CCDC85A: variants seen among roughly 807,000 people sequenced by gnomAD.
CCDC85A encodes coiled-coil domain-containing protein 85A.
In CCDC85A, 38 loss-of-function variants were observed where a neutral mutation model predicts 50.2. That is an observed-to-expected ratio of 0.76 (90% confidence interval 0.58 to 0.99). CCDC85A has a LOEUF of 0.99. CCDC85A is among the 50% of genes least tolerant of loss of function. CCDC85A has a pLI of 0.00. For synonymous variants in CCDC85A, 366 were observed against 301.4 expected, an observed-to-expected ratio of 1.21 and a Z score of -2.22; for missense variants, 820 against 742.0, an observed-to-expected ratio of 1.11 and a Z score of -1.22.
intron 2 of CCDC85A, among the ~76,000 whole-genome samples, chr2:56,280,938 A>G (rs936837775): frequency 6.6e-6 from 1 of 152,168 alleles, no homozygotes; most frequent in Non-Finnish European, 1.5e-5. Context: ...CTAGATTCTT[A>G]CTTTTTTTAG....
intron 3 of CCDC85A, among the ~76,000 whole-genome samples, chr2:56,357,850 C>A (rs1675315626): frequency 1.3e-5 from 2 of 152,090 alleles, no homozygotes; most frequent in African/African-American, 4.8e-5. Flanking sequence ...AGTGTGTCAT[C>A]AGTTCCAACC....
At chr2:56,365,094 G>A (rs1361161539) in intron 3 of CCDC85A, among the ~76,000 whole-genome samples, 4 of 152,098 alleles carry the variant, frequency 2.6e-5, no homozygotes, top group Non-Finnish European at 4.4e-5. Flanking sequence ...CTCATATCCT[G>A]TGCTCACATC....
intron 3 of CCDC85A, among the ~76,000 whole-genome samples, chr2:56,343,464 T>C (rs1233052045): frequency 6.6e-6 from 1 of 152,228 alleles, no homozygotes; most frequent in African/African-American, 2.4e-5. Flanking sequence ...AGTTTTTGCT[T>C]TGGGACTTCA....
intron 2 of CCDC85A, among the ~76,000 whole-genome samples, chr2:56,267,829 T>C (rs542417534): frequency 2.0e-5 from 3 of 152,320 alleles, no homozygotes; most frequent in Non-Finnish European, 4.4e-5. Flanking sequence ...TTTAGATACA[T>C]CTGAAATTTC....
intron 2 of CCDC85A, among the ~76,000 whole-genome samples, chr2:56,332,331 A>G (rs1673846957): frequency 1.3e-5 from 2 of 152,138 alleles, no homozygotes; most frequent in African/African-American, 2.4e-5. Context: ...TTTATAAACA[A>G]CAGAAATTTA....
intron 2 of CCDC85A, among the ~76,000 whole-genome samples, chr2:56,306,631 T>G (rs1303776779): frequency 1.3e-5 from 2 of 152,226 alleles, no homozygotes; most frequent in African/African-American, 2.4e-5. Context: ...AATGCTTTAT[T>G]ACTGTATACA....
At chr2:56,209,269 C>T (rs746338089) in intron 2 of CCDC85A, among the ~76,000 whole-genome samples, 3 of 152,182 alleles carry the variant, frequency 2.0e-5, no homozygotes, top group Middle Eastern at 3.4e-3. Flanking sequence ...ACACTCTTCC[C>T]GAGTCTCATG....
chr2:56,382,233 C>G (rs1676619802), intron 5 of CCDC85A, among the ~76,000 whole-genome samples: 1 of 151,946 alleles, frequency 6.6e-6, no homozygotes, highest in Non-Finnish European at 1.5e-5. Context: ...GGCTTGGCTT[C>G]TAGTAGAGAA....
chr2:56,300,265 G>T (rs912791806), intron 2 of CCDC85A, among the ~76,000 whole-genome samples: 1 of 152,190 alleles, frequency 6.6e-6, no homozygotes, highest in African/African-American at 2.4e-5. Context: ...TGATCCTTAA[G>T]GGTAAATACC....
At chr2:56,304,047 A>C (rs1169032714) in intron 2 of CCDC85A, among the ~76,000 whole-genome samples, 2 of 152,208 alleles carry the variant, frequency 1.3e-5, no homozygotes, top group Non-Finnish European at 2.9e-5. Context: ...GATTTTCATC[A>C]AATGAAAGTA....
intron 2 of CCDC85A, among the ~76,000 whole-genome samples, chr2:56,245,673 G>A (rs141089062): frequency 1.7e-3 from 258 of 152,270 alleles, no homozygotes; most frequent in African/African-American, 5.8e-3. Context: ...GTTGTGCTGT[G>A]GTTTGAATAT....
chr2:56,316,978 A>G (rs1051502388), intron 2 of CCDC85A, among the ~76,000 whole-genome samples: 15 of 152,046 alleles, frequency 9.9e-5, no homozygotes, highest in Non-Finnish European at 2.1e-4. Flanking sequence ...CAGAGTTACG[A>G]TTTTTCTTCT....
At chr2:56,338,586 A>C (rs1674198405) in intron 2 of CCDC85A, among the ~76,000 whole-genome samples, 1 of 152,114 alleles carries the variant, frequency 6.6e-6, no homozygotes, top group South Asian at 2.1e-4. Context: ...GAAAGTGTTG[A>C]GTTTCTTATA....
In CCDC85A at chr2:56,385,337, A is replaced by G. The variant is rs945541907; in HGVS notation, c.*982A>G. 2.6e-5 allele frequency: 4 copies of G among 152,278 alleles called. No individual in the cohort carries two copies. The highest frequency in any genetic ancestry group is 7.2e-5 in the African/African-American group (3 of 41,412). 9.4% of individuals were successfully genotyped at this position (152,278 alleles called of 1,614,324 possible). A position where few individuals can be genotyped will look rare whatever the true frequency, so the allele number is the denominator to read the frequency against. On this transcript the variant is annotated 3_prime_UTR_variant, in exon 6 of 6. Transcript: ENST00000407595. ...AGCTATCTAACATTTTATGAAACTG[A>G]CGCATGTCCTTCATTATTGAGGCTA...
At chr2:56,346,868 C>T (rs1197694865) in intron 3 of CCDC85A, among the ~76,000 whole-genome samples, 1 of 152,180 alleles carries the variant, frequency 6.6e-6, no homozygotes, top group Non-Finnish European at 1.5e-5. Context: ...TAATGCTAAG[C>T]TGCTCACATT....
At chr2:56,289,667 A>T (rs566366933) in intron 2 of CCDC85A, among the ~76,000 whole-genome samples, 1 of 152,198 alleles carries the variant, frequency 6.6e-6, no homozygotes, top group Non-Finnish European at 1.5e-5. Context: ...CTCAGTGGTC[A>T]TCCCTACCAT....
Position 56,192,819 on chromosome 2 carries a change from G to A in CCDC85A, c.619G>A (p.Val207Met). 1 of 1,613,452 alleles carries A rather than the reference G, an allele frequency of 6.2e-7. No homozygotes were observed. Among genetic ancestry groups the A allele is most frequent in the South Asian group, 1.1e-5 (1 of 91,048 alleles). ...CTCCACCGCACCCTACGTGCGGGAT[G>A]TGGGTGACGGCAGCAGCACCTCCAG... is the stretch of plus-strand genomic sequence containing the variant. ...TASTAPYVRDVGDGSSTSSTG... is the reference protein window; with the variant it reads ...TASTAPYVRDMGDGSSTSSTG... Residue 207 changes from valine to methionine, a missense_variant, in exon 2 of 6, where the codon GTG (valine) becomes ATG (methionine). By Grantham distance (21) the Val-to-Met change is conservative. Coordinates refer to ENST00000407595, the MANE Select transcript of CCDC85A (RefSeq NM_001080433.2). The surrounding 1 kb of genome is among the most constrained non-coding windows in gnomAD (Gnocchi z 4.7).
chr2:56,224,911 C>G (rs146630412), intron 2 of CCDC85A, among the ~76,000 whole-genome samples: 1 of 152,050 alleles, frequency 6.6e-6, no homozygotes, highest in Non-Finnish European at 1.5e-5. Context: ...CATTTTCTTA[C>G]AAGCAGAAAA....
Position 56,322,053 on chromosome 2 carries a change from T to C in CCDC85A, c.1241-20826T>C, listed in dbSNP as rs570477707. Reference sequence around the variant, plus strand: ...AACAAGAAATGGGGAAAGGATTCCCTATTTAATAAATGTTGCTGGGAAAAC... The same window carrying C: ...AACAAGAAATGGGGAAAGGATTCCCCATTTAATAAATGTTGCTGGGAAAAC... On this transcript the variant is annotated intron_variant, in intron 2 of 5. Transcript: ENST00000407595. Among the ~76,000 whole-genome samples, 5 of 152,320 alleles carry C rather than the reference T, an allele frequency of 3.3e-5. No individual in the cohort carries two copies. The South Asian group carries it at 8.3e-4, about 25-fold the overall frequency.
Sources: allele counts gnomAD v4.1 joint callset (sites outside exome capture counted in the v4.1 genomes callset), GRCh38; gene constraint gnomAD v4.1.1; non-coding constraint Gnocchi (gnomAD v3.1); transcripts MANE v1.5; gene names NCBI Gene and HGNC (gene_info 2026-07-23, HGNC 2026-07-21).